Variants in AP3D1 observed in about 807,000 individuals in gnomAD.
The protein encoded by AP3D1 is adaptor related protein complex 3 subunit delta 1, also known as AP-3 complex subunit delta-1.
In AP3D1, 51 loss-of-function variants were observed where a neutral mutation model predicts 147.6. The ratio of observed to expected loss-of-function variants is 0.35; its 90% CI spans 0.28 to 0.44. The LOEUF (loss-of-function observed/expected upper bound fraction) is 0.44, where lower values mean the gene tolerates loss of function less well. AP3D1 is among the 20% of genes least tolerant of loss of function. The pLI, the probability that AP3D1 is intolerant of heterozygous loss-of-function variation, is 1.00. For synonymous variants in AP3D1, 760 were observed against 663.0 expected (o/e 1.15, Z -2.25); for missense variants, 1,421 against 1,624.2 (o/e 0.87, Z 2.15).
chr19:2,136,816 C>T (rs1248611395), intron 4 of AP3D1, among the ~76,000 whole-genome samples, 195 bp downstream of exon 4: 1 of 152,218 alleles, frequency 6.6e-6, no homozygotes, highest in African/African-American at 2.4e-5. Context: ...CACAAGCCCA[C>T]CAGGGAGCGC....
At chr19:2,152,884 C>G (rs2019584118), upstream of AP3D1, among the ~76,000 whole-genome samples, 4 of 151,044 alleles carry the variant, frequency 2.6e-5, no homozygotes. Flanking sequence ...CTCAAAAAAA[C>G]AAAACAAACC....
intron 20 of AP3D1, 22 bp downstream of exon 20, chr19:2,115,197 C>CG: frequency 6.2e-7 from 1 of 1,604,900 alleles, no homozygotes; most frequent in Non-Finnish European, 8.5e-7. Flanking sequence ...ATCCTAGGAC[C>CG]GGGACCTCCA....
Position 2,151,445 on chromosome 19 carries a change from G to T in AP3D1, c.-111C>A. 1 of 629,290 alleles carries T rather than the reference G, an allele frequency of 1.6e-6. No homozygotes were observed. The highest frequency in any genetic ancestry group is 2.0e-6 in the Non-Finnish European group (1 of 493,858). 39.0% of individuals were successfully genotyped at this position (629,290 alleles called of 1,614,324 possible). ...GCGCCGCGCTGCCGGCCGCTGCGGC[G>T]GGGCAAGCTCCCAGGCCAGGGCGGC... is the stretch of plus-strand genomic sequence containing the variant. On this transcript the variant is annotated 5_prime_UTR_variant, in exon 1 of 32. Transcript: ENST00000643116.
In AP3D1 at chr19:2,114,393, C is replaced by T. The variant is rs1481700629; in HGVS notation, c.2424-91G>A. 13 of 1,097,218 alleles carry T rather than the reference C, an allele frequency of 1.2e-5. No homozygotes were observed. The South Asian group carries it at 1.3e-4, about 11-fold the overall frequency. 68.0% of individuals were successfully genotyped at this position (1,097,218 alleles called of 1,614,324 possible). On this transcript the variant is annotated intron_variant, in intron 21 of 31. Coordinates refer to ENST00000643116, the MANE Select transcript of AP3D1 (RefSeq NM_001261826.3). ...TGCCGTGTCCAAGCATGTGGCAGTG[C>T]GGGACCTGCTCCTCCAGCCCCTGGC...
At chr19:2,144,200 CT>C (rs2019298584) in intron 1 of AP3D1, among the ~76,000 whole-genome samples, 1 of 152,196 alleles carries the variant, frequency 6.6e-6, no homozygotes, top group South Asian at 2.1e-4. Flanking sequence ...ATCACCATCA[CT>C]TCGAATTCAA....
In AP3D1 at chr19:2,102,181, T is replaced by C. The variant is rs749726730; in HGVS notation, c.3640A>G (p.Lys1214Glu). The C allele has an allele frequency of 2.7e-5, 44 of 1,613,712 alleles. No individual in the cohort carries two copies. The highest frequency in any genetic ancestry group is 1.7e-4 in the Middle Eastern group (1 of 5,990). The stretch of plus-strand genomic sequence containing the variant: ...GGGCTCGCAGGCAGCTCTCAACACT[T>C]GGCCAGCGTCGCCTTCATCTCTTCT... ...LLEEMKATLA[K>E]C Residue 1214 changes from lysine to glutamate, a missense_variant, in exon 32 of 32, where the codon AAG (lysine) becomes GAG (glutamate). By Grantham distance (56) the Lys-to-Glu change is moderately conservative. This residue lies in a region of AP3D1 where 17 missense variants were observed against 17.5 expected (regional missense o/e 0.97). Coordinates refer to ENST00000643116, the MANE Select transcript of AP3D1 (RefSeq NM_001261826.3).
intron 24 of AP3D1, chr19:2,112,586 A>G: frequency 2.8e-6 from 1 of 360,986 alleles, no homozygotes; most frequent in Non-Finnish European, 5.0e-6. Flanking sequence ...GACAGAGGTG[A>G]TGATGGTTGC....
At chr19:2,131,910 T>C (rs1310673540) in intron 5 of AP3D1, among the ~76,000 whole-genome samples, 2 of 152,198 alleles carry the variant, frequency 1.3e-5, no homozygotes, top group African/African-American at 2.4e-5. Flanking sequence ...GGACAGTGCT[T>C]CCCAGGGAGG....
In AP3D1 at chr19:2,160,979, G is replaced by C. The variant is rs147509490; in HGVS notation, c.-103+3377C>G. 6.6e-3 allele frequency among the ~76,000 whole-genome samples: 1,004 copies of C among 152,024 alleles called. 32 individuals carry two copies. In the East Asian group the frequency reaches 0.095, roughly 14 times the overall value. ...CCTGGTTGAGACCGCCTGGGTAAGGGATTCCAAGAGCCCCCAAGAGACTGC... is the reference window on the plus strand; with the variant it reads ...CCTGGTTGAGACCGCCTGGGTAAGGCATTCCAAGAGCCCCCAAGAGACTGC... On this transcript the variant is annotated intron_variant, in intron 1 of 14. Coordinates refer to the AP3D1 transcript ENST00000643010.
rs944313072 is a variant in AP3D1, at chr19:2,137,559, G to A, written c.273+168C>T. On this transcript the variant is annotated intron_variant, in intron 3 of 31. Transcript: ENST00000643116. ...TCCAACTCCCAACCTCAGGTGATCC[G>A]CCTGTCTCAGCCTCCCAAAGTGCTG... Among the ~76,000 whole-genome samples the A allele has an allele frequency of 2.6e-5, 4 of 152,124 alleles. No individual in the cohort carries two copies. The highest frequency in any genetic ancestry group is 7.2e-5 in the African/African-American group (3 of 41,504).
chr19:2,116,769 A>G, intron 16 of AP3D1, 23 bp from the exon 17 acceptor site: 2 of 1,591,990 alleles, frequency 1.3e-6, no homozygotes, highest in Non-Finnish European at 1.7e-6. Flanking sequence ...GGAGGGCCAC[A>G]CAAGGCAGTG....
At chr19:2,108,942 C>T (rs1239606354) in intron 30 of AP3D1, 144 bp downstream of exon 30, 4 of 1,397,314 alleles carry the variant, frequency 2.9e-6, no homozygotes, top group African/African-American at 2.9e-5. Context: ...GCACCAGCTC[C>T]CAGGCCTCGG....
chr19:2,127,840 C>T (rs371079600), intron 8 of AP3D1, among the ~76,000 whole-genome samples: 15 of 152,174 alleles, frequency 9.9e-5, no homozygotes, highest in South Asian at 2.1e-4. Context: ...TTCGGTGTTT[C>T]GATGTGTTCA....
chr19:2,163,738 G>A (rs542851550), intron 1 of AP3D1, among the ~76,000 whole-genome samples: 2 of 151,980 alleles, frequency 1.3e-5, no homozygotes, highest in Admixed American at 6.5e-5. Flanking sequence ...GGAAGGGGTC[G>A]GCCGAGGGCA....
chr19:2,123,420 A>G lies in AP3D1; in HGVS notation c.907-14T>C. On this transcript the variant is annotated splice_polypyrimidine_tract_variant and intron_variant, in intron 10 of 31. Coordinates refer to ENST00000643116, the MANE Select transcript of AP3D1 (RefSeq NM_001261826.3). ...CTGAACACAAAGCTGAAAAGAAGAA[A>G]AAAACGATGCTGGTTACATCCTCTA... is the stretch of plus-strand genomic sequence containing the variant. The G allele has an allele frequency of 6.2e-7, 1 of 1,613,868 alleles. No individual in the cohort carries two copies. The highest frequency in any genetic ancestry group is 1.7e-4 in the Middle Eastern group (1 of 6,058).
intron 11 of AP3D1, 61 bp from the exon 12 acceptor site, chr19:2,121,940 G>T (rs1418107187): frequency 1.3e-6 from 2 of 1,520,000 alleles, no homozygotes; most frequent in East Asian, 2.5e-5. Flanking sequence ...GTGCAGGCAG[G>T]GCCCACGGCT....
At chr19:2,137,185 A>C in intron 3 of AP3D1, 94 bp from the exon 4 acceptor site, 1 of 1,132,838 alleles carries the variant, frequency 8.8e-7, no homozygotes, top group Non-Finnish European at 1.3e-6. Context: ...AGGCAGCGCC[A>C]GCCCAGAAGC....
At chr19:2,157,461 G>T (rs796742043) in intron 1 of AP3D1, among the ~76,000 whole-genome samples, 9 of 81,594 alleles carry the variant, frequency 1.1e-4, no homozygotes, top group Non-Finnish European at 1.9e-4. Context: ...AAAAAAAAAA[G>T]AAAAAAACAA....
At chr19:2,163,041 G>A (rs949808461) in intron 1 of AP3D1, among the ~76,000 whole-genome samples, 2 of 152,024 alleles carry the variant, frequency 1.3e-5, no homozygotes, top group Non-Finnish European at 2.9e-5. Context: ...AACTTTGGGA[G>A]AAACTTATAG....
Sources: allele counts gnomAD v4.1 joint callset (sites outside exome capture counted in the v4.1 genomes callset), GRCh38; gene constraint gnomAD v4.1.1; regional missense constraint gnomAD v4.1.1; transcripts MANE v1.5; gene names NCBI Gene and HGNC (gene_info 2026-07-23, HGNC 2026-07-21).